Variants in OR4K13 observed in about 807,000 individuals in gnomAD.
OR4K13 encodes olfactory receptor 4K13.
For missense variants in OR4K13, 403 were observed against 366.0 expected (o/e 1.10, Z -0.82); for synonymous variants, 160 against 134.8 (o/e 1.19, Z -1.30).
rs1877524570 is a variant in OR4K13, at chr14:20,034,678, G to T, written c.81C>A (p.Phe27Leu). 1 of 1,613,270 alleles carries T rather than the reference G, an allele frequency of 6.2e-7. No individual in the cohort carries two copies. The highest frequency in any genetic ancestry group is 8.5e-7 in the Non-Finnish European group (1 of 1,179,742). The change falls in exon 2 of 2, where the codon TTC (phenylalanine) becomes TTA (leucine). Residue 27 changes from phenylalanine (F) to leucine (L), a missense_variant. Coordinates refer to ENST00000641904, the MANE Select transcript of OR4K13 (RefSeq NM_001004714.2). ...CGAAGACCACAGAGAATCCCAAGAAGAATAAAATCTGAAGATTTTGAGATT... is the reference window on the plus strand; with the variant it reads ...CGAAGACCACAGAGAATCCCAAGAATAATAAAATCTGAAGATTTTGAGATT... The part of the protein sequence containing the change: ...LSKSQNLQIL[F>L]FLGFSVVFVG...
rs1196712606 is a variant in OR4K13, at chr14:20,030,924, G to C, written c.*2920C>G. 2 of 128,758 alleles carry C rather than the reference G, an allele frequency of 1.6e-5. No individual in the cohort carries two copies. The highest frequency in any genetic ancestry group is 5.0e-5 in the African/African-American group (2 of 40,058). The allele number at this position is 128,758 out of a possible 1,614,324, so 8.0% of individuals were successfully genotyped here. The stretch of plus-strand genomic sequence containing the variant: ...TAATCCCAGCTACTCAGGGGGCTGA[G>C]AGAGGAGAATCACTTGAACTCGGGA... On this transcript the variant is annotated 3_prime_UTR_variant, in exon 2 of 2. Coordinates refer to ENST00000641904, the MANE Select transcript of OR4K13 (RefSeq NM_001004714.2).
rs1484384507 is a variant in OR4K13 at position 20,030,961 on chromosome 14, C to A, written c.*2883G>T. The A allele has an allele frequency of 6.6e-6, 1 of 152,300 alleles. No homozygotes were observed. The highest frequency in any genetic ancestry group is 2.4e-5 in the African/African-American group (1 of 41,454). The allele number at this position is 152,300 out of a possible 1,614,324, so 9.4% of individuals were successfully genotyped here. A position where few individuals can be genotyped will look rare whatever the true frequency, so the allele number is the denominator to read the frequency against. On this transcript the variant is annotated 3_prime_UTR_variant, in exon 2 of 2. Transcript: ENST00000641904. ...ACTTGAACTCGGGAGGCGGAGGTTGCGGTGAGCAGAGATTGCGCCACTGCA... is the reference window on the plus strand; with the variant it reads ...ACTTGAACTCGGGAGGCGGAGGTTGAGGTGAGCAGAGATTGCGCCACTGCA...
rs1877471871 is a variant in OR4K13, at chr14:20,033,476, CGAA to C, written c.*365_*367del. 1 of 167,544 alleles carries C rather than the reference CGAA, an allele frequency of 6.0e-6. No homozygotes were observed. The highest frequency in any genetic ancestry group is 2.4e-5 in the African/African-American group (1 of 41,504). The allele number at this position is 167,544 out of a possible 1,614,324, so 10.4% of individuals were successfully genotyped here. A position where few individuals can be genotyped will look rare whatever the true frequency, so the allele number is the denominator to read the frequency against. ...ATGCATATAAACAAGGTTGTATAGA[CGAA>C]AAAACTAAATCACAGGGAACTTATT... On this transcript the variant is annotated 3_prime_UTR_variant, in exon 2 of 2. Transcript: ENST00000641904.
At position 20,030,055 on chromosome 14, in the gene OR4K13, A is replaced by G. The variant is rs546741114; in HGVS notation, c.*3789T>C. 7.0e-4 allele frequency: 106 copies of G among 152,342 alleles called. No homozygotes were observed. The highest frequency in any genetic ancestry group is 2.5e-3 in the African/African-American group (103 of 41,586). The allele number at this position is 152,342 out of a possible 1,614,324, so 9.4% of individuals were successfully genotyped here. On this transcript the variant is annotated 3_prime_UTR_variant, in exon 2 of 2. Coordinates refer to ENST00000641904, the MANE Select transcript of OR4K13 (RefSeq NM_001004714.2). ...CCACCCTCAACAGGCTATTTGCTGTATGATTCTACCTATATGACAATCTTG... is the reference window on the plus strand; with the variant it reads ...CCACCCTCAACAGGCTATTTGCTGTGTGATTCTACCTATATGACAATCTTG...
In OR4K13 at chr14:20,035,982, C is replaced by G. The variant is rs562784495; in HGVS notation, c.-268G>C. ...TTCGTGATGGCGTCGTACGTGAATCCCAGGAATGGCCTTTTATCTCCTTTT... is the reference window on the plus strand; with the variant it reads ...TTCGTGATGGCGTCGTACGTGAATCGCAGGAATGGCCTTTTATCTCCTTTT... On this transcript the variant is annotated 5_prime_UTR_variant, in exon 1 of 2. Transcript: ENST00000641904. The G allele has an allele frequency of 1.3e-5, 2 of 152,062 alleles. No homozygotes were observed. Among genetic ancestry groups the G allele is most frequent in the Non-Finnish European group, 2.9e-5 (2 of 67,970 alleles). 9.4% of individuals were successfully genotyped at this position (152,062 alleles called of 1,614,324 possible). A position where few individuals can be genotyped will look rare whatever the true frequency, so the allele number is the denominator to read the frequency against.
At position 20,029,816 on chromosome 14, in the gene OR4K13, T is replaced by G. The variant is rs960411265; in HGVS notation, c.*4028A>C. 29 of 151,898 alleles carry G rather than the reference T, an allele frequency of 1.9e-4. No homozygotes were observed. Among genetic ancestry groups the G allele is most frequent in the African/African-American group, 7.0e-4 (29 of 41,344 alleles). 9.4% of individuals were successfully genotyped at this position (151,898 alleles called of 1,614,324 possible). ...GCACACACCTGCAATCCCAGCTACT[T>G]GGGAGGCTGAGGCAGGAGAATTGCT... On this transcript the variant is annotated 3_prime_UTR_variant, in exon 2 of 2. Transcript: ENST00000641904.
chr14:20,035,383 A>C (rs1877541195), intron 1 of OR4K13, among the ~76,000 whole-genome samples: 1 of 151,738 alleles, frequency 6.6e-6, no homozygotes, highest in Admixed American at 6.6e-5. Context: ...TTCTTGCATG[A>C]ATCCCTCACA....
chr14:20,036,012 T>C lies in OR4K13; in HGVS notation c.-298A>G, dbSNP rs1039622581. The C allele has an allele frequency of 6.6e-6, 1 of 152,054 alleles. No individual in the cohort carries two copies. The highest frequency in any genetic ancestry group is 2.4e-5 in the African/African-American group (1 of 41,412). 9.4% of individuals were successfully genotyped at this position (152,054 alleles called of 1,614,324 possible). ...AATGGCCTTTTATCTCCTTTTCCTG[T>C]ATCCCCATCAGTTATCTGCAATTTA... On this transcript the variant is annotated 5_prime_UTR_variant, in exon 1 of 2. It adds an upstream start codon to the 5' untranslated region. Transcript: ENST00000641904.
chr14:20,035,034 G>A, intron 1 of OR4K13, 53 bp from the exon 2 acceptor site: 1 of 332,216 alleles, frequency 3.0e-6, no homozygotes, highest in Non-Finnish European at 5.5e-6. Flanking sequence ...AAAACTATAG[G>A]TCATGAATTA....
rs1566531263 is a variant in OR4K13, at chr14:20,035,924, CT to C, written c.-224+13del. On this transcript the variant is annotated intron_variant, in intron 1 of 1. Transcript: ENST00000641904. The stretch of plus-strand genomic sequence containing the variant: ...AAGTATTTGTAGTCATCTTTTTGTG[CT>C]GTTATTACTTACAAGACAGGGGAAA... The C allele has an allele frequency of 6.6e-6, 1 of 151,980 alleles. No homozygotes were observed. The highest frequency in any genetic ancestry group is 2.4e-5 in the African/African-American group (1 of 41,380). 9.4% of individuals were successfully genotyped at this position (151,980 alleles called of 1,614,324 possible).
rs2047883963 is a variant in OR4K13 at position 20,030,269 on chromosome 14, A to ATACAT, written c.*3570_*3574dup. 1 of 152,126 alleles carries ATACAT rather than the reference A, an allele frequency of 6.6e-6. No individual in the cohort carries two copies. The highest frequency in any genetic ancestry group is 6.5e-5 in the Admixed American group (1 of 15,282). 9.4% of individuals were successfully genotyped at this position (152,126 alleles called of 1,614,324 possible). On this transcript the variant is annotated 3_prime_UTR_variant, in exon 2 of 2. Transcript: ENST00000641904. ...AGCCAATTACCCTGAATTGTTCATT[A>ATACAT]TACATTCTTTGCTTGCATCAAAACA... is the stretch of plus-strand genomic sequence containing the variant.
At position 20,034,632 on chromosome 14, in the gene OR4K13, G is replaced by C; in HGVS notation, c.127C>G (p.Leu43Val). 1 of 1,613,906 alleles carries C rather than the reference G, an allele frequency of 6.2e-7. No individual in the cohort carries two copies. The highest frequency in any genetic ancestry group is 8.5e-7 in the Non-Finnish European group (1 of 1,179,956). Residue 43 changes from leucine to valine, a missense_variant, in exon 2 of 2, where the codon CTG becomes GTG. Coordinates refer to ENST00000641904, the MANE Select transcript of OR4K13 (RefSeq NM_001004714.2). Reference sequence around the variant, plus strand: ...AAGGTCACAGTCACCAAGATGAGCAGGTTTCCTAACACAATCCCCACGAAG... The same window carrying C: ...AAGGTCACAGTCACCAAGATGAGCACGTTTCCTAACACAATCCCCACGAAG... The part of the protein sequence containing the change: ...VVFVGIVLGN[L>V]LILVTVTFDS...
Position 20,030,230 on chromosome 14 carries a change from T to A in OR4K13, c.*3614A>T, listed in dbSNP as rs1877383568. ...TTTGATAATTATATAACTATGGGCATTTGTCAACAATCCAGCCAATTACCC... is the reference window on the plus strand; with the variant it reads ...TTTGATAATTATATAACTATGGGCAATTGTCAACAATCCAGCCAATTACCC... On this transcript the variant is annotated 3_prime_UTR_variant, in exon 2 of 2. Transcript: ENST00000641904. The A allele has an allele frequency of 1.3e-5, 2 of 152,208 alleles. No individual in the cohort carries two copies. The highest frequency in any genetic ancestry group is 4.8e-5 in the African/African-American group (2 of 41,556). The allele number at this position is 152,208 out of a possible 1,614,324, so 9.4% of individuals were successfully genotyped here. A position where few individuals can be genotyped will look rare whatever the true frequency, so the allele number is the denominator to read the frequency against.
chr14:20,030,937 C>T lies in OR4K13; in HGVS notation c.*2907G>A, dbSNP rs1877403180. 6.6e-6 allele frequency: 1 copy of T among 152,324 alleles called. No individual in the cohort carries two copies. Among genetic ancestry groups the T allele is most frequent in the Non-Finnish European group, 1.5e-5 (1 of 68,134 alleles). The allele number at this position is 152,324 out of a possible 1,614,324, so 9.4% of individuals were successfully genotyped here. A position where few individuals can be genotyped will look rare whatever the true frequency, so the allele number is the denominator to read the frequency against. On this transcript the variant is annotated 3_prime_UTR_variant, in exon 2 of 2. Coordinates refer to ENST00000641904, the MANE Select transcript of OR4K13 (RefSeq NM_001004714.2). ...TCAGGGGGCTGAGAGAGGAGAATCA[C>T]TTGAACTCGGGAGGCGGAGGTTGCG...
At position 20,034,653 on chromosome 14, in the gene OR4K13, C is replaced by T. The variant is rs201396872; in HGVS notation, c.106G>A (p.Val36Met). 32 of 1,613,766 alleles carry T rather than the reference C, an allele frequency of 2.0e-5. No individual in the cohort carries two copies. In the East Asian group the frequency reaches 3.3e-4, roughly 17 times the overall value. Residue 36 changes from valine to methionine, a missense_variant, in exon 2 of 2, where the codon GTG becomes ATG. Coordinates refer to ENST00000641904, the MANE Select transcript of OR4K13 (RefSeq NM_001004714.2). ...LFFLGFSVVF[V>M]GIVLGNLLIL... ...AGCAGGTTTCCTAACACAATCCCCA[C>T]GAAGACCACAGAGAATCCCAAGAAG...
chr14:20,033,693 TG>T lies in OR4K13; in HGVS notation c.*150del, dbSNP rs1877477875. The T allele has an allele frequency of 1.8e-6, 1 of 547,144 alleles. No individual in the cohort carries two copies. Among genetic ancestry groups the T allele is most frequent in the African/African-American group, 1.9e-5 (1 of 53,076 alleles). 33.9% of individuals were successfully genotyped at this position (547,144 alleles called of 1,614,324 possible). ...CTGGTACACAAGTTATAGTGGTTTT[TG>T]CCATTACTTTAATTTTGTCATTTAC... On this transcript the variant is annotated 3_prime_UTR_variant, in exon 2 of 2. Transcript: ENST00000641904.
In OR4K13 at chr14:20,032,744, G is replaced by A. The variant is rs1877451704; in HGVS notation, c.*1100C>T. On this transcript the variant is annotated 3_prime_UTR_variant, in exon 2 of 2. Transcript: ENST00000641904. The stretch of plus-strand genomic sequence containing the variant: ...CAGTACAATGTACAAGTTGGGACAG[G>A]AATGGTCTATGCTTACTTTTTTTCC... 1 of 152,192 alleles carries A rather than the reference G, an allele frequency of 6.6e-6. No homozygotes were observed. Among genetic ancestry groups the A allele is most frequent in the East Asian group, 1.9e-4 (1 of 5,198 alleles). 9.4% of individuals were successfully genotyped at this position (152,192 alleles called of 1,614,324 possible).
rs1200275823 is a variant in OR4K13 at position 20,029,756 on chromosome 14, T to C, written c.*4088A>G. On this transcript the variant is annotated 3_prime_UTR_variant, in exon 2 of 2. Transcript: ENST00000641904. ...CTGGCCAATATGACAAAACTTTGTCTCTACCAAAAATACAAAAATTAGCCA... is the reference window on the plus strand; with the variant it reads ...CTGGCCAATATGACAAAACTTTGTCCCTACCAAAAATACAAAAATTAGCCA... The C allele has an allele frequency of 6.6e-6, 1 of 151,914 alleles. No individual in the cohort carries two copies. Among genetic ancestry groups the C allele is most frequent in the African/African-American group, 2.4e-5 (1 of 41,356 alleles). 9.4% of individuals were successfully genotyped at this position (151,914 alleles called of 1,614,324 possible). A position where few individuals can be genotyped will look rare whatever the true frequency, so the allele number is the denominator to read the frequency against.
rs1233777832 is a variant in OR4K13 at position 20,032,612 on chromosome 14, G to T, written c.*1232C>A. Reference sequence around the variant, plus strand: ...TAGACATCTTCTCCCATACCCAGTTGCCTTAAATTTGCTTTAGCCTTCAAG... The same window carrying T: ...TAGACATCTTCTCCCATACCCAGTTTCCTTAAATTTGCTTTAGCCTTCAAG... On this transcript the variant is annotated 3_prime_UTR_variant, in exon 2 of 2. Coordinates refer to ENST00000641904, the MANE Select transcript of OR4K13 (RefSeq NM_001004714.2). The T allele has an allele frequency of 6.6e-6, 1 of 152,184 alleles. No homozygotes were observed. Among genetic ancestry groups the T allele is most frequent in the Non-Finnish European group, 1.5e-5 (1 of 68,048 alleles). 9.4% of individuals were successfully genotyped at this position (152,184 alleles called of 1,614,324 possible).
Sources: allele counts gnomAD v4.1 joint callset (sites outside exome capture counted in the v4.1 genomes callset), GRCh38; gene constraint gnomAD v4.1.1; transcripts MANE v1.5; gene names NCBI Gene and HGNC (gene_info 2026-07-23, HGNC 2026-07-21).